PTPRG: variants seen among roughly 807,000 people sequenced by gnomAD.
PTPRG encodes protein tyrosine phosphatase receptor type G, also known as receptor-type tyrosine-protein phosphatase gamma.
In PTPRG, 102 loss-of-function variants were observed where a neutral mutation model predicts 165.3. That is an observed-to-expected ratio of 0.62 (90% CI 0.53 to 0.73). The LOEUF (loss-of-function observed/expected upper bound fraction) is 0.73. Ranked by LOEUF, PTPRG falls within the 30% of genes least tolerant of loss-of-function variation. The pLI is 0.00. For synonymous variants in PTPRG, 675 were observed against 669.5 expected, an observed-to-expected ratio of 1.01 and a Z score of -0.13; for missense variants, 1,866 against 1,861.4, an observed-to-expected ratio of 1.00 and a Z score of -0.05.
chr3:61,880,061 G>A (rs1458053080), intron 2 of PTPRG, among the ~76,000 whole-genome samples: 1 of 152,194 alleles, frequency 6.6e-6, no homozygotes, highest in African/African-American at 2.4e-5. Flanking sequence ...ATTCTGTCAT[G>A]AGACAGCACC....
intron 1 of PTPRG, among the ~76,000 whole-genome samples, chr3:61,727,247 G>A (rs2032305563): frequency 1.3e-5 from 2 of 151,256 alleles, no homozygotes; most frequent in Admixed American, 1.3e-4. Context: ...GTGCGGTGGA[G>A]TGATCTCATC....
chr3:61,862,164 C>T (rs1176008880), intron 2 of PTPRG, among the ~76,000 whole-genome samples: 1 of 151,980 alleles, frequency 6.6e-6, no homozygotes, highest in African/African-American at 2.4e-5. Context: ...ACTGCTCATG[C>T]CAGGGGTCTA....
At chr3:61,987,376 G>A (rs1041506397) in intron 2 of PTPRG, among the ~76,000 whole-genome samples, 1 of 152,172 alleles carries the variant, frequency 6.6e-6, no homozygotes, top group African/African-American at 2.4e-5. Flanking sequence ...TTTATAGAGT[G>A]ATAAATTGTA....
chr3:61,797,065 G>C (rs2035069130), intron 2 of PTPRG, among the ~76,000 whole-genome samples: 1 of 152,202 alleles, frequency 6.6e-6, no homozygotes, highest in Non-Finnish European at 1.5e-5. Flanking sequence ...GGTTTTGCGA[G>C]GTTGTTAGAG....
At chr3:62,032,997 A>G (rs1699818592) in intron 4 of PTPRG, among the ~76,000 whole-genome samples, 1 of 152,226 alleles carries the variant, frequency 6.6e-6, no homozygotes. Context: ...TGACATGATG[A>G]GTTCATCTTG....
chr3:62,277,186 C>T, intron 25 of PTPRG, 138 bp downstream of exon 25: 1 of 719,590 alleles, frequency 1.4e-6, no homozygotes, highest in Admixed American at 3.1e-5. Context: ...ATTTCTGTAT[C>T]TTGAAACTTT....
At chr3:61,983,526 T>G (rs2107682405) in intron 2 of PTPRG, among the ~76,000 whole-genome samples, 1 of 152,282 alleles carries the variant, frequency 6.6e-6, no homozygotes, top group African/African-American at 2.4e-5. Flanking sequence ...ACAGAATTCA[T>G]TATTTTTAAT....
intron 2 of PTPRG, among the ~76,000 whole-genome samples, chr3:61,766,831 G>T (rs2034033110): frequency 6.6e-6 from 1 of 151,746 alleles, no homozygotes. Context: ...TGTTGGCCAG[G>T]CTGGTCTCAA....
At chr3:61,607,238 A>G (rs967154988) in intron 1 of PTPRG, among the ~76,000 whole-genome samples, 1 of 152,176 alleles carries the variant, frequency 6.6e-6, no homozygotes, top group Non-Finnish European at 1.5e-5. Context: ...ATGGACAGCC[A>G]CCTGTGAAAT....
chr3:61,616,301 GC>G (rs1283376814), intron 1 of PTPRG, among the ~76,000 whole-genome samples: 1 of 152,200 alleles, frequency 6.6e-6, no homozygotes, highest in Non-Finnish European at 1.5e-5. Flanking sequence ...GGATATTGCA[GC>G]CCCCAGGCCC....
intron 8 of PTPRG, among the ~76,000 whole-genome samples, chr3:62,187,298 C>T (rs897124730): frequency 2.0e-5 from 3 of 152,202 alleles, no homozygotes; most frequent in Non-Finnish European, 2.9e-5. Context: ...GAATACAGTG[C>T]AGTTGATAAT....
At chr3:62,227,636 A>G (rs373457398) in intron 13 of PTPRG, among the ~76,000 whole-genome samples, 1 of 152,160 alleles carries the variant, frequency 6.6e-6, no homozygotes, top group Admixed American at 6.5e-5. Context: ...AAGGCCCTTT[A>G]TGGCTGGCCT....
intron 4 of PTPRG, among the ~76,000 whole-genome samples, chr3:62,023,501 G>A (rs1575901915): frequency 1.3e-5 from 2 of 151,822 alleles, no homozygotes. Context: ...GCTCCATCTG[G>A]TTTGGAGCCT....
chr3:61,812,764 C>T (rs545301342), intron 2 of PTPRG, among the ~76,000 whole-genome samples: 2 of 152,212 alleles, frequency 1.3e-5, no homozygotes, highest in Non-Finnish European at 2.9e-5. Context: ...TGGGCCAGCT[C>T]TCAGATAATT....
chr3:62,281,423 G>T, intron 26 of PTPRG, 140 bp from the exon 27 acceptor site: 2 of 661,692 alleles, frequency 3.0e-6, no homozygotes, highest in Non-Finnish European at 4.9e-6. Context: ...GGTGTAGTTC[G>T]ATGGGAACAT....
rs544824484 is a variant in PTPRG at position 61,744,260 on chromosome 3, T to C, written c.86-4618T>C. ...CACAGCATCGTCGATTAAAATGCAT[T>C]TGAGGAGAGGACTTAAAGTGTTGTC... is the stretch of plus-strand genomic sequence containing the variant. On this transcript the variant is annotated intron_variant, in intron 1 of 29. Coordinates refer to ENST00000474889, the MANE Select transcript of PTPRG (RefSeq NM_002841.4). Among the ~76,000 whole-genome samples the C allele has an allele frequency of 1.3e-4, 20 of 152,346 alleles. 2 individuals are homozygous for C. In the South Asian group the frequency reaches 3.9e-3, roughly 30 times the overall value.
At chr3:61,750,280 G>A (rs1015340210) in intron 2 of PTPRG, 9 of 152,208 alleles carry the variant, frequency 5.9e-5, no homozygotes, top group African/African-American at 2.2e-4. Context: ...TCAGTCAGGA[G>A]GAGGCACAAA....
chr3:62,186,261 T>C (rs1315685600), intron 8 of PTPRG, among the ~76,000 whole-genome samples: 1 of 152,152 alleles, frequency 6.6e-6, no homozygotes, highest in East Asian at 1.9e-4. Context: ...ACCCCAGGAA[T>C]GAATTGTGTG....
At chr3:61,578,205 G>A (rs1278583895) in intron 1 of PTPRG, among the ~76,000 whole-genome samples, 37 of 152,298 alleles carry the variant, frequency 2.4e-4, no homozygotes, top group Admixed American at 2.4e-3. Flanking sequence ...GAAAATCCAG[G>A]AACAACATCT....
Sources: gnomAD v4.1 joint callset for allele counts (sites outside exome capture counted in the v4.1 genomes callset) on GRCh38, gnomAD v4.1.1 for gene constraint, MANE v1.5 for transcripts, NCBI Gene and HGNC (gene_info 2026-07-23, HGNC 2026-07-21) for gene names.